The following NRXN3 variants were observed in gnomAD, a reference collection of about 807,000 sequenced individuals.
NRXN3 encodes the protein neurexin III.
NRXN3 carries 32 observed loss-of-function variants against 137.6 expected under a neutral mutation model. The ratio of observed to expected loss-of-function variants is 0.23; its 90% CI spans 0.18 to 0.31. The LOEUF is 0.31. Among genes scored for constraint, NRXN3 ranks in the 10% least tolerant of loss-of-function variants. The pLI, the probability that NRXN3 is intolerant of heterozygous loss-of-function variation, is 1.00. For missense variants in NRXN3, 1,574 were observed against 2,062.5 expected (o/e 0.76, Z 4.59); for synonymous variants, 798 against 784.5 (o/e 1.02, Z -0.29).
chr14:78,610,616 C>T (rs1340947508), intron 4 of NRXN3, among the ~76,000 whole-genome samples: 3 of 152,222 alleles, frequency 2.0e-5, no homozygotes, highest in Non-Finnish European at 2.9e-5. Context: ...AAACCAAATA[C>T]CTTCTAGAGA....
chr14:79,726,055 C>T (rs748161666), intron 19 of NRXN3, among the ~76,000 whole-genome samples: 7 of 152,120 alleles, frequency 4.6e-5, no homozygotes, highest in Non-Finnish European at 1.0e-4. Flanking sequence ...TTCCTACTAT[C>T]TTTTCAAAGG....
intron 15 of NRXN3, among the ~76,000 whole-genome samples, chr14:79,207,930 C>T (rs1025146222): frequency 6.6e-6 from 1 of 151,958 alleles, no homozygotes; most frequent in African/African-American, 2.4e-5. Flanking sequence ...AAAATACTAA[C>T]ACATTGAATC....
intron 14 of NRXN3, among the ~76,000 whole-genome samples, chr14:78,984,843 G>C (rs1166696419): frequency 6.6e-6 from 1 of 152,184 alleles, no homozygotes; most frequent in Admixed American, 6.5e-5. Context: ...AGGGACATAT[G>C]GTAAGAAATG....
intron 15 of NRXN3, among the ~76,000 whole-genome samples, chr14:79,235,877 AG>A (rs2073270643): frequency 6.6e-6 from 1 of 152,164 alleles, no homozygotes; most frequent in South Asian, 2.1e-4. Context: ...GTTAAAAAAA[AG>A]AATTACCTAA....
intron 15 of NRXN3, among the ~76,000 whole-genome samples, chr14:79,412,229 A>C (rs757940655): frequency 6.6e-6 from 1 of 152,120 alleles, no homozygotes; most frequent in African/African-American, 2.4e-5. Context: ...GTGTGCCTAA[A>C]TATCTTCACC....
intron 15 of NRXN3, among the ~76,000 whole-genome samples, chr14:79,348,276 A>T (rs1313077354): frequency 6.6e-6 from 1 of 152,154 alleles, no homozygotes; most frequent in East Asian, 1.9e-4. Flanking sequence ...AAGCACAGAC[A>T]GGTATTTTAC....
At chr14:78,923,704 C>T (rs759963585) in intron 10 of NRXN3, among the ~76,000 whole-genome samples, 5 of 152,124 alleles carry the variant, frequency 3.3e-5, no homozygotes, top group Admixed American at 6.6e-5. Context: ...TTGATCTGTG[C>T]GTGTGCCTGA....
intron 15 of NRXN3, among the ~76,000 whole-genome samples, chr14:79,379,948 T>TGTATA (rs2094417797): frequency 6.6e-6 from 1 of 151,918 alleles, no homozygotes; most frequent in Admixed American, 6.6e-5. Context: ...ATAAGGCCAG[T>TGTATA]GTATAGGTGG....
intron 4 of NRXN3, among the ~76,000 whole-genome samples, chr14:78,558,884 G>T (rs1374805431): frequency 6.6e-6 from 1 of 152,152 alleles, no homozygotes; most frequent in Admixed American, 6.5e-5. Flanking sequence ...AATCCTCATG[G>T]ACATGGCTAA....
chr14:79,746,651 G>A (rs2098980601), intron 19 of NRXN3, among the ~76,000 whole-genome samples: 1 of 152,102 alleles, frequency 6.6e-6, no homozygotes, highest in Non-Finnish European at 1.5e-5. Context: ...ATTCCCAGGA[G>A]TTTTGTTTTT....
intron 15 of NRXN3, among the ~76,000 whole-genome samples, chr14:79,071,019 C>T (rs2099686983): frequency 6.6e-6 from 1 of 152,084 alleles, no homozygotes; most frequent in South Asian, 2.1e-4. Context: ...TCTTTTTACC[C>T]ATTAAACATT....
At chr14:78,612,947 G>A (rs1429534938) in intron 4 of NRXN3, among the ~76,000 whole-genome samples, 4 of 152,104 alleles carry the variant, frequency 2.6e-5, no homozygotes, top group Admixed American at 1.3e-4. Flanking sequence ...GTTATTTCCC[G>A]TGCATGGTTC....
chr14:79,560,876 C>T (rs989989286), intron 16 of NRXN3, among the ~76,000 whole-genome samples: 2 of 152,082 alleles, frequency 1.3e-5, no homozygotes, highest in Non-Finnish European at 2.9e-5. Flanking sequence ...CACCAAAGAA[C>T]TTAAAGTGTT....
chr14:78,186,085 C>G (rs550796110), intron 1 of NRXN3, among the ~76,000 whole-genome samples: 113 of 152,326 alleles, frequency 7.4e-4, no homozygotes, highest in African/African-American at 2.6e-3. Context: ...GCTCTACTGT[C>G]TCAGCAGAAG....
At chr14:79,360,621 G>A (rs2093650859) in intron 15 of NRXN3, among the ~76,000 whole-genome samples, 2 of 152,192 alleles carry the variant, frequency 1.3e-5, no homozygotes, top group Admixed American at 1.3e-4. Flanking sequence ...GCAAGCTTTG[G>A]AGGTAAAATA....
chr14:78,772,650 G>A (rs1281458276), intron 8 of NRXN3, among the ~76,000 whole-genome samples: 2 of 152,068 alleles, frequency 1.3e-5, no homozygotes, highest in Non-Finnish European at 2.9e-5. Context: ...AATCATCTGG[G>A]GATTTTATTA....
chr14:78,590,218 G>A (rs943818004), intron 4 of NRXN3, among the ~76,000 whole-genome samples: 1 of 152,170 alleles, frequency 6.6e-6, no homozygotes, highest in African/African-American at 2.4e-5. Flanking sequence ...AGGTTGGACA[G>A]TTCCATCATG....
intron 19 of NRXN3, among the ~76,000 whole-genome samples, chr14:79,774,097 C>T (rs559450917): frequency 4.9e-4 from 74 of 152,126 alleles, no homozygotes; most frequent in African/African-American, 1.7e-3. Context: ...GAGAAACCCC[C>T]GAATAACTGT....
At chr14:78,918,570 T>C (rs1232178381) in intron 10 of NRXN3, among the ~76,000 whole-genome samples, 2 of 152,102 alleles carry the variant, frequency 1.3e-5, no homozygotes, top group African/African-American at 4.8e-5. Flanking sequence ...GAGCGTAAAA[T>C]GAACTGCTGA....
Sources: gnomAD v4.1 joint callset for allele counts (sites outside exome capture counted in the v4.1 genomes callset) on GRCh38, gnomAD v4.1.1 for gene constraint, MANE v1.5 for transcripts, NCBI Gene and HGNC (gene_info 2026-07-23, HGNC 2026-07-21) for gene names.